ARHGAP32: variants seen among roughly 807,000 people sequenced by gnomAD.
ARHGAP32 encodes rho GTPase-activating protein 32.
ARHGAP32 carries 51 observed loss-of-function variants against 186.5 expected under a neutral mutation model. That is an observed-to-expected ratio of 0.27 (90% CI 0.22 to 0.35). ARHGAP32 has a LOEUF of 0.35. ARHGAP32 is among the 10% of genes least tolerant of loss of function. ARHGAP32 has a pLI of 1.00. For missense variants in ARHGAP32, 2,186 were observed against 2,623.5 expected, an observed-to-expected ratio of 0.83 and a Z score of 3.64; for synonymous variants, 950 against 964.3, an observed-to-expected ratio of 0.99 and a Z score of 0.27.
chr11:128,997,238 T>C (rs1946225757), intron 12 of ARHGAP32, among the ~76,000 whole-genome samples: 1 of 151,222 alleles, frequency 6.6e-6, no homozygotes, highest in South Asian at 2.1e-4. Context: ...TTTGTTTTTG[T>C]TTTTTTAGGG....
At chr11:129,194,160 G>A (rs961328488), upstream of ARHGAP32, among the ~76,000 whole-genome samples, 2 of 152,032 alleles carry the variant, frequency 1.3e-5, no homozygotes, top group Non-Finnish European at 2.9e-5. Context: ...AGTTTAAACT[G>A]GTACAACCTG....
In ARHGAP32 at chr11:128,981,989, GAA is replaced by G. The variant is rs1945716650; in HGVS notation, c.1527-55_1527-54del. The G allele has an allele frequency of 2.7e-6, 3 of 1,127,304 alleles. No individual in the cohort carries two copies. The African/African-American group carries it at 4.8e-5, about 18-fold the overall frequency. 69.8% of individuals were successfully genotyped at this position (1,127,304 alleles called of 1,614,324 possible). On this transcript the variant is annotated intron_variant, in intron 15 of 22. Coordinates refer to ENST00000682385, the MANE Select transcript of ARHGAP32 (RefSeq NM_001378024.1). ...GAAAGAAACATGATGCAGCAGTATA[GAA>G]CATAAAAGCCTGCTAATTAATTCCT...
intron 5 of ARHGAP32, among the ~76,000 whole-genome samples, chr11:129,098,858 G>A (rs1734268440): frequency 6.6e-6 from 1 of 152,104 alleles, no homozygotes; most frequent in African/African-American, 2.4e-5. Context: ...CAGGAGCAGA[G>A]TTTTTCTATG....
chr11:129,196,781 G>C (rs968508054), upstream of ARHGAP32, among the ~76,000 whole-genome samples: 4 of 152,162 alleles, frequency 2.6e-5, no homozygotes, highest in African/African-American at 9.7e-5. Flanking sequence ...TTTCAGGCCA[G>C]GATCAGTAGC....
chr11:129,073,474 G>T (rs1182640955), intron 6 of ARHGAP32, among the ~76,000 whole-genome samples: 4 of 152,088 alleles, frequency 2.6e-5, no homozygotes, highest in African/African-American at 9.7e-5. Flanking sequence ...TAGTTGACTG[G>T]ACACAGCTGA....
At chr11:129,225,840 C>T (rs575529330) in intron 1 of ARHGAP32, among the ~76,000 whole-genome samples, 10 of 152,160 alleles carry the variant, frequency 6.6e-5, no homozygotes, top group South Asian at 2.1e-4. Flanking sequence ...ATCTTAAATA[C>T]GTTCAAAGAA....
chr11:129,043,342 G>A (rs1486940402), intron 10 of ARHGAP32, among the ~76,000 whole-genome samples: 1 of 150,298 alleles, frequency 6.7e-6, no homozygotes, highest in Non-Finnish European at 1.5e-5. Context: ...TGTGGTAAAG[G>A]CTCTAACATT....
At chr11:129,176,432 C>A (rs1440972530) in intron 1 of ARHGAP32, among the ~76,000 whole-genome samples, 1 of 79,018 alleles carries the variant, frequency 1.3e-5, no homozygotes, top group African/African-American at 4.3e-5. Context: ...CTGCACCAAG[C>A]GGACCTAATA....
chr11:129,151,673 G>A (rs1048450726), intron 2 of ARHGAP32, among the ~76,000 whole-genome samples: 1 of 152,134 alleles, frequency 6.6e-6, no homozygotes, highest in Non-Finnish European at 1.5e-5. Flanking sequence ...TGAGCTGAAT[G>A]ATAATACTGA....
intron 1 of ARHGAP32, among the ~76,000 whole-genome samples, chr11:129,188,679 A>G (rs1944213390): frequency 6.7e-6 from 1 of 149,766 alleles, no homozygotes; most frequent in African/African-American, 2.5e-5. Context: ...AATGCTATAA[A>G]TCAATAAAGG....
chr11:129,278,464 C>G (rs1015728970), intron 1 of ARHGAP32, among the ~76,000 whole-genome samples: 1 of 152,192 alleles, frequency 6.6e-6, no homozygotes, highest in African/African-American at 2.4e-5. Context: ...GAAACCAAGT[C>G]TGATTTTCTC....
intron 1 of ARHGAP32, among the ~76,000 whole-genome samples, chr11:129,242,057 A>G (rs1368804654): frequency 6.6e-6 from 1 of 152,182 alleles, no homozygotes; most frequent in African/African-American, 2.4e-5. Context: ...TCATGGGAGT[A>G]TTGCTTTTTA....
chr11:129,123,894 A>G lies in ARHGAP32; in HGVS notation c.353T>C (p.Ile118Thr). ...GTAGAAAACCAGATTTTACCTGTGA[A>G]TGTTGTCACAGCCCATCAGTCCTGG... ...TTPGLMGCDNIHRLPFTKGHF... is the reference protein window; with the variant it reads ...TTPGLMGCDNTHRLPFTKGHF... The change falls in exon 4 of 23, where the codon ATT becomes ACT. Residue 118 changes from isoleucine to threonine, a missense_variant. By Grantham distance (89) the Ile-to-Thr change is moderately conservative (BLOSUM62 -1). Around this residue, in one of 5 missense-constraint regions of ARHGAP32, gnomAD observed 308 missense variants for 596.5 expected, o/e 0.52. Transcript: ENST00000682385. The surrounding 1 kb of genome is among the most constrained non-coding windows in gnomAD (Gnocchi z 4.6). 7.7e-7 allele frequency: 1 copy of G among 1,295,264 alleles called. No homozygotes were observed. The highest frequency in any genetic ancestry group is 1.0e-6 in the Non-Finnish European group (1 of 992,756). 80.2% of individuals were successfully genotyped at this position (1,295,264 alleles called of 1,614,324 possible).
At chr11:129,079,591 A>C (rs552720598) in intron 6 of ARHGAP32, among the ~76,000 whole-genome samples, 1 of 152,254 alleles carries the variant, frequency 6.6e-6, no homozygotes, top group Non-Finnish European at 1.5e-5. Flanking sequence ...AGAAATGCTT[A>C]AAGGAGTTCT....
intron 1 of ARHGAP32, among the ~76,000 whole-genome samples, chr11:129,214,554 C>A (rs966558417): frequency 6.6e-6 from 1 of 152,138 alleles, no homozygotes; most frequent in Non-Finnish European, 1.5e-5. Context: ...TGAGGGGATT[C>A]AAAGGGCTTC....
chr11:129,020,852 C>T (rs1386772401), intron 11 of ARHGAP32, among the ~76,000 whole-genome samples: 4 of 151,910 alleles, frequency 2.6e-5, no homozygotes, highest in Admixed American at 2.6e-4. Context: ...TAGGAAAGTA[C>T]AGAATCACTT....
chr11:129,234,077 G>A lies in ARHGAP32; in HGVS notation c.-5+45069C>T, dbSNP rs1446875368. Among the ~76,000 whole-genome samples the A allele has an allele frequency of 2.6e-5, 4 of 151,922 alleles. No individual in the cohort carries two copies. In the South Asian group the frequency reaches 6.2e-4, roughly 24 times the overall value. ...AGTATGTTGGTTCATGTTCCTTGCC[G>A]TACTTTCCTGTTTGTTTTTAAATAT... is the stretch of plus-strand genomic sequence containing the variant. On this transcript the variant is annotated intron_variant, in intron 1 of 6. Coordinates refer to the ARHGAP32 transcript ENST00000525234.
chr11:129,236,391 T>C (rs1035110649), intron 1 of ARHGAP32, among the ~76,000 whole-genome samples: 3 of 152,186 alleles, frequency 2.0e-5, no homozygotes, highest in Admixed American at 6.6e-5. Flanking sequence ...TCTATCCATG[T>C]CCTTAGCCCA....
At chr11:129,065,708 A>G (rs528385928) in intron 7 of ARHGAP32, among the ~76,000 whole-genome samples, 2 of 152,114 alleles carry the variant, frequency 1.3e-5, no homozygotes, top group Admixed American at 1.3e-4. Flanking sequence ...TCAGAACATC[A>G]CTTTATTTAG....
Sources: allele counts gnomAD v4.1 joint callset (sites outside exome capture counted in the v4.1 genomes callset), GRCh38; gene constraint gnomAD v4.1.1; regional missense constraint gnomAD v4.1.1; non-coding constraint Gnocchi (gnomAD v3.1); transcripts MANE v1.5; gene names NCBI Gene and HGNC (gene_info 2026-07-23, HGNC 2026-07-21).